FIGN: variants seen among roughly 807,000 people sequenced by gnomAD.
FIGN encodes fidgetin, microtubule severing factor, also known as fidgetin.
A neutral mutation model predicts 51.3 loss-of-function variants in FIGN; 11 were observed. The observed-to-expected ratio is 0.21, with a 90% CI of 0.13 to 0.35. The LOEUF is 0.35. FIGN is among the 10% of genes least tolerant of loss of function. The probability of loss-of-function intolerance (pLI) is 1.00; values close to 1 mark genes in which losing one functional copy is unlikely to be tolerated. For synonymous variants in FIGN, 407 were observed against 363.2 expected, an observed-to-expected ratio of 1.12 and a Z score of -1.37; for missense variants, 857 against 943.6, an observed-to-expected ratio of 0.91 and a Z score of 1.20.
chr2:163,663,358 G>T (rs189244377), intron 2 of FIGN, among the ~76,000 whole-genome samples: 22 of 150,926 alleles, frequency 1.5e-4, no homozygotes, highest in African/African-American at 5.4e-4. Context: ...TTTTGAGACG[G>T]AGTTTTGCTC....
At chr2:163,657,538 A>T (rs1683581618) in intron 2 of FIGN, among the ~76,000 whole-genome samples, 1 of 141,330 alleles carries the variant, frequency 7.1e-6, no homozygotes, top group African/African-American at 2.7e-5. Context: ...GTGTGCATGC[A>T]CATGAGTATG....
At chr2:163,620,419 G>A (rs919718706) in intron 2 of FIGN, among the ~76,000 whole-genome samples, 11 of 152,094 alleles carry the variant, frequency 7.2e-5, no homozygotes, top group African/African-American at 2.2e-4. Flanking sequence ...TGTCACAACA[G>A]AGCACTACCC....
intron 2 of FIGN, among the ~76,000 whole-genome samples, chr2:163,651,617 A>C (rs1029242556): frequency 1.3e-5 from 2 of 152,208 alleles, no homozygotes; most frequent in African/African-American, 4.8e-5. Flanking sequence ...ATATGCAATA[A>C]GACATGTAAT....
At chr2:163,655,810 G>C (rs912769887) in intron 2 of FIGN, among the ~76,000 whole-genome samples, 277 of 151,332 alleles carry the variant, frequency 1.8e-3, no homozygotes, top group African/African-American at 6.3e-3. Context: ...CACACAGAGA[G>C]AGAGAGAGAG....
intron 2 of FIGN, among the ~76,000 whole-genome samples, chr2:163,710,171 T>A (rs1162451529): frequency 6.6e-6 from 1 of 152,162 alleles, no homozygotes; most frequent in Non-Finnish European, 1.5e-5. Context: ...GCAAATAAAA[T>A]ACCCTCGATG....
chr2:163,710,047 G>T (rs1684563436), intron 2 of FIGN, among the ~76,000 whole-genome samples: 1 of 152,028 alleles, frequency 6.6e-6, no homozygotes, highest in Non-Finnish European at 1.5e-5. Context: ...GAAGCAAATG[G>T]CAAATATTTA....
rs748837717 is a variant in FIGN at position 163,611,426 on chromosome 2, T to A, written c.406A>T (p.Ser136Cys). Reference protein sequence around the residue: ...DVITASKAGVSSALPPADVSA... With the variant: ...DVITASKAGVCSALPPADVSA... Reference sequence around the variant, plus strand: ...ACATCTGCTGGAGGGAGGGCTGAACTGACTCCAGCTTTGCTGGCAGTGATA... The same window carrying A: ...ACATCTGCTGGAGGGAGGGCTGAACAGACTCCAGCTTTGCTGGCAGTGATA... Residue 136 changes from serine (S) to cysteine (C), a missense_variant, in exon 3 of 3, where the codon AGT becomes TGT. Transcript: ENST00000333129. 6.2e-7 allele frequency: 1 copy of A among 1,614,062 alleles called. No individual in the cohort carries two copies. Among genetic ancestry groups the A allele is most frequent in the Admixed American group, 1.7e-5 (1 of 60,012 alleles).
rs536859347 is a variant in FIGN, at chr2:163,611,649, A to G, written c.183T>C (p.Ala61=). Residue 61 remains alanine (A), a synonymous_variant, in exon 3 of 3, where the codon GCT becomes GCC. Transcript: ENST00000333129. ...QYAWANDDIS[A]LTASNLLKKY... Reference sequence around the variant, plus strand: ...TTTTTAGTAGGTTGGATGCAGTCAGAGCAGATATGTCATCATTCGCCCAGG... The same window carrying G: ...TTTTTAGTAGGTTGGATGCAGTCAGGGCAGATATGTCATCATTCGCCCAGG... The G allele has an allele frequency of 6.2e-7, 1 of 1,614,218 alleles. No individual in the cohort carries two copies. The highest frequency in any genetic ancestry group is 2.2e-5 in the East Asian group (1 of 44,872).
intron 2 of FIGN, among the ~76,000 whole-genome samples, chr2:163,718,490 T>C (rs2105361263): frequency 6.6e-6 from 1 of 152,316 alleles, no homozygotes. Flanking sequence ...CATCTGCTTA[T>C]ACAGCCATTT....
In FIGN at chr2:163,686,603, A is replaced by G. The variant is rs1684153365; in HGVS notation, c.25+48300T>C. On this transcript the variant is annotated intron_variant, in intron 2 of 2. Coordinates refer to ENST00000333129, the MANE Select transcript of FIGN (RefSeq NM_018086.4). ...TAGTCCTAGTTAGGAACACACAAGC[A>G]CACTAGTTTTATTTTATACTTACAA... Among the ~76,000 whole-genome samples, 3 of 152,120 alleles carry G rather than the reference A, an allele frequency of 2.0e-5. No individual in the cohort carries two copies. The South Asian group carries it at 6.2e-4, about 32-fold the overall frequency.
intron 2 of FIGN, among the ~76,000 whole-genome samples, chr2:163,705,420 G>T (rs1396464894): frequency 6.6e-6 from 1 of 152,064 alleles, no homozygotes; most frequent in Non-Finnish European, 1.5e-5. Context: ...GAAATCTTTG[G>T]ATGGAAGTCA....
chr2:163,685,549 T>C (rs1268885970), intron 2 of FIGN, among the ~76,000 whole-genome samples: 1 of 152,176 alleles, frequency 6.6e-6, no homozygotes, highest in Non-Finnish European at 1.5e-5. Flanking sequence ...AACTACTACC[T>C]CCCTTGGTAG....
At chr2:163,623,693 C>T (rs1283066964) in intron 2 of FIGN, among the ~76,000 whole-genome samples, 1 of 152,098 alleles carries the variant, frequency 6.6e-6, no homozygotes, top group Non-Finnish European at 1.5e-5. Context: ...ACTAAGAGTA[C>T]TGTAATTTTG....
intron 2 of FIGN, among the ~76,000 whole-genome samples, chr2:163,633,612 G>A (rs1319729695): frequency 2.0e-5 from 3 of 152,176 alleles, no homozygotes; most frequent in African/African-American, 7.2e-5. Context: ...AGCATTGACA[G>A]AGTCCCAGAA....
intron 2 of FIGN, among the ~76,000 whole-genome samples, chr2:163,643,711 C>T (rs1395382162): frequency 2.0e-5 from 3 of 147,394 alleles, no homozygotes; most frequent in Non-Finnish European, 3.0e-5. Context: ...CCTAGAACTT[C>T]GGGAGGCTGA....
intron 2 of FIGN, among the ~76,000 whole-genome samples, chr2:163,648,712 G>T (rs1048746938): frequency 1.3e-5 from 2 of 152,072 alleles, no homozygotes; most frequent in Admixed American, 6.5e-5. Flanking sequence ...GAATAATTTG[G>T]ACAAAATTAA....
In FIGN at chr2:163,611,591, C is replaced by T. The variant is rs1691262336; in HGVS notation, c.241G>A (p.Gly81Ser). 1 of 1,614,096 alleles carries T rather than the reference C, an allele frequency of 6.2e-7. No individual in the cohort carries two copies. The highest frequency in any genetic ancestry group is 1.1e-5 in the South Asian group (1 of 91,096). ...CTGAGTACGGGTCGGTCCACAGGACCTTCCAAAATGCCGGAATACTTCTCT... is the reference window on the plus strand; with the variant it reads ...CTGAGTACGGGTCGGTCCACAGGACTTTCCAAAATGCCGGAATACTTCTCT... The part of the protein sequence containing the change: ...YAEKYSGILE[G>S]PVDRPVLSNY... The change falls in exon 3 of 3, where the codon GGT becomes AGT. Residue 81 changes from glycine (G) to serine (S), a missense_variant. Gly to Ser is a moderately conservative substitution (Grantham distance 56). This residue lies in a region of FIGN where 799 missense variants were observed against 849.5 expected (regional missense o/e 0.94). Transcript: ENST00000333129.
At chr2:163,650,577 T>C (rs957744323) in intron 2 of FIGN, among the ~76,000 whole-genome samples, 5 of 151,982 alleles carry the variant, frequency 3.3e-5, no homozygotes, top group African/African-American at 1.2e-4. Flanking sequence ...TGTGAGATGT[T>C]CCCCTCCCTG....
chr2:163,734,789 G>T (rs189558029), intron 2 of FIGN, 114 bp downstream of exon 2: 1 of 901,888 alleles, frequency 1.1e-6, no homozygotes, highest in Non-Finnish European at 1.6e-6. Context: ...TTAAAAAAAG[G>T]AATTCTATAT....
Sources: gnomAD v4.1 joint callset for allele counts (sites outside exome capture counted in the v4.1 genomes callset) on GRCh38, gnomAD v4.1.1 for gene constraint, gnomAD v4.1.1 regional missense constraint, MANE v1.5 for transcripts, NCBI Gene and HGNC (gene_info 2026-07-23, HGNC 2026-07-21) for gene names.